PPP2R5E: variants seen among roughly 807,000 people sequenced by gnomAD.
The protein encoded by PPP2R5E is serine/threonine-protein phosphatase 2A 56 kDa regulatory subunit epsilon isoform.
A neutral mutation model predicts 65.3 loss-of-function variants in PPP2R5E; 4 were observed. The ratio of observed to expected loss-of-function variants is 0.06; its 90% CI spans 0.03 to 0.14. The LOEUF is 0.14. PPP2R5E is among the 10% of genes least tolerant of loss of function. PPP2R5E has a pLI of 1.00. For missense variants in PPP2R5E, 274 were observed against 556.1 expected, an observed-to-expected ratio of 0.49 and a Z score of 5.10; for synonymous variants, 183 against 187.4, an observed-to-expected ratio of 0.98 and a Z score of 0.19.
intron 2 of PPP2R5E, among the ~76,000 whole-genome samples, chr14:63,528,225 A>T (rs1893261082): frequency 6.6e-6 from 1 of 152,202 alleles, no homozygotes; most frequent in Non-Finnish European, 1.5e-5. Context: ...AATTACTATT[A>T]TGAGCCAATA....
At chr14:63,391,201 C>T (rs1404009045) in intron 10 of PPP2R5E, among the ~76,000 whole-genome samples, 3 of 152,188 alleles carry the variant, frequency 2.0e-5, no homozygotes, top group East Asian at 1.9e-4. Context: ...CTGGGCTTAG[C>T]GAGGCTGAAG....
intron 2 of PPP2R5E, among the ~76,000 whole-genome samples, chr14:63,493,924 T>G (rs1033048105): frequency 6.6e-6 from 1 of 152,164 alleles, no homozygotes; most frequent in Non-Finnish European, 1.5e-5. Context: ...AATTATAGCT[T>G]TAAATTTTAA....
At chr14:63,396,781 T>A in intron 5 of PPP2R5E, 65 bp from the exon 6 acceptor site, 1 of 1,566,880 alleles carries the variant, frequency 6.4e-7, no homozygotes, top group Non-Finnish European at 8.7e-7. Context: ...AGGAATTCTA[T>A]TATTTAAAAT....
At chr14:63,467,656 A>C (rs923446612) in intron 2 of PPP2R5E, among the ~76,000 whole-genome samples, 22 of 152,240 alleles carry the variant, frequency 1.4e-4, no homozygotes, top group African/African-American at 5.3e-4. Flanking sequence ...TTCTGGAAAA[A>C]CATCACAGAA....
intron 3 of PPP2R5E, among the ~76,000 whole-genome samples, chr14:63,436,307 C>T (rs1026696011): frequency 2.6e-5 from 4 of 152,094 alleles, no homozygotes; most frequent in Non-Finnish European, 5.9e-5. Flanking sequence ...TCTTGAATTG[C>T]GAATTTTTAA....
chr14:63,420,770 AGGCCGGGCGCGGTGGCTC>A (rs1886965992), intron 4 of PPP2R5E, among the ~76,000 whole-genome samples: 1 of 144,580 alleles, frequency 6.9e-6, no homozygotes, highest in Non-Finnish European at 1.5e-5. Context: ...AGTCAACCTG[AGGCCGGGCGCGGTGGCTC>A]ACGCCTGTAA....
At chr14:63,413,123 C>A (rs1239624722) in intron 5 of PPP2R5E, among the ~76,000 whole-genome samples, 50 of 152,260 alleles carry the variant, frequency 3.3e-4, no homozygotes, top group Non-Finnish European at 1.9e-4. Flanking sequence ...AATACATAAC[C>A]CAAAATGTCC....
chr14:63,448,423 A>G lies in PPP2R5E; in HGVS notation c.354+5266T>C, dbSNP rs368583209. ...ATTGCAAGAATTATCAATATGTGAC[A>G]CAAAGATATGAAAGGGGCATATGCT... On this transcript the variant is annotated intron_variant, in intron 3 of 13. Coordinates refer to ENST00000337537, the MANE Select transcript of PPP2R5E (RefSeq NM_006246.5). 1.6e-4 allele frequency among the ~76,000 whole-genome samples: 24 copies of G among 152,370 alleles called. No individual in the cohort carries two copies. The East Asian group carries it at 3.5e-3, about 22-fold the overall frequency.
chr14:63,447,631 G>C (rs1379689714), intron 3 of PPP2R5E, among the ~76,000 whole-genome samples: 2 of 152,332 alleles, frequency 1.3e-5, no homozygotes, highest in South Asian at 2.1e-4. Context: ...ATGTTTACTG[G>C]AGTAGTAGTT....
chr14:63,510,003 A>G (rs1316519940), intron 2 of PPP2R5E, among the ~76,000 whole-genome samples: 2 of 152,238 alleles, frequency 1.3e-5, no homozygotes, highest in East Asian at 3.8e-4. Context: ...CCCTCTTCAA[A>G]AAAACAAACA....
chr14:63,378,717 G>T (rs1162868014), intron 13 of PPP2R5E, among the ~76,000 whole-genome samples: 1 of 152,178 alleles, frequency 6.6e-6, no homozygotes, highest in Non-Finnish European at 1.5e-5. Flanking sequence ...AGGGGATATT[G>T]TCAAATTCTC....
At chr14:63,531,866 T>C (rs1594979053) in intron 2 of PPP2R5E, among the ~76,000 whole-genome samples, 1 of 151,876 alleles carries the variant, frequency 6.6e-6, no homozygotes, top group African/African-American at 2.4e-5. Context: ...GGCAGGAGAA[T>C]TGCTTGAACC....
chr14:63,455,969 G>A (rs7161634), intron 2 of PPP2R5E, among the ~76,000 whole-genome samples: 43,208 of 151,994 alleles, frequency 0.28, 7,385 homozygotes, highest in African/African-American at 0.47. Flanking sequence ...GTTTTGCCAT[G>A]TTGGCCAGGC....
Position 63,384,519 on chromosome 14 carries a change from A to G in PPP2R5E, c.1127T>C (p.Ile376Thr), listed in dbSNP as rs778053464. Residue 376 changes from isoleucine (I) to threonine (T), a missense_variant, in exon 12 of 14, where the codon ATA (isoleucine) becomes ACA (threonine). Physicochemically the swap from Ile to Thr is moderately conservative, Grantham distance 89. This residue lies in a region of PPP2R5E where 129 missense variants were observed against 254.9 expected (regional missense o/e 0.51). Transcript: ENST00000337537. ...YWNNEYIMSL[I>T]EENSNVILPI... ...AAGGATGACGTTAGAGTTTTCTTCTATCAAACTCATGATGTATTCATTATT... is the reference window on the plus strand; with the variant it reads ...AAGGATGACGTTAGAGTTTTCTTCTGTCAAACTCATGATGTATTCATTATT... The G allele has an allele frequency of 6.2e-7, 1 of 1,613,936 alleles. No individual in the cohort carries two copies. Among genetic ancestry groups the G allele is most frequent in the Non-Finnish European group, 8.5e-7 (1 of 1,179,866 alleles).
chr14:63,503,007 T>C (rs1478997017), intron 2 of PPP2R5E, among the ~76,000 whole-genome samples: 2 of 152,178 alleles, frequency 1.3e-5, no homozygotes, highest in Non-Finnish European at 1.5e-5. Flanking sequence ...ATTAATATTA[T>C]GCACTGCACA....
intron 4 of PPP2R5E, among the ~76,000 whole-genome samples, chr14:63,421,050 C>T (rs1254340293): frequency 8.7e-5 from 5 of 57,766 alleles, no homozygotes; most frequent in Middle Eastern, 0.018. Flanking sequence ...GAGACTCCGT[C>T]TCAAAAAAAA....
At chr14:63,437,091 C>T (rs148268735) in intron 3 of PPP2R5E, among the ~76,000 whole-genome samples, 3 of 152,230 alleles carry the variant, frequency 2.0e-5, no homozygotes, top group African/African-American at 7.2e-5. Context: ...TCGTCCTCAC[C>T]GCTACACCAT....
intron 3 of PPP2R5E, among the ~76,000 whole-genome samples, chr14:63,426,080 A>T (rs1887319263): frequency 6.6e-6 from 1 of 152,228 alleles, no homozygotes; most frequent in African/African-American, 2.4e-5. Context: ...GACAATTCAG[A>T]GTTGACTGGA....
chr14:63,402,379 A>G (rs10144281), intron 5 of PPP2R5E, among the ~76,000 whole-genome samples: 12,032 of 152,250 alleles, frequency 0.079, 620 homozygotes, highest in East Asian at 0.25. Context: ...ACAAGTTCTA[A>G]GCAACTTTTC....
Sources: gnomAD v4.1 joint callset for allele counts (sites outside exome capture counted in the v4.1 genomes callset) on GRCh38, gnomAD v4.1.1 for gene constraint, gnomAD v4.1.1 regional missense constraint, MANE v1.5 for transcripts, NCBI Gene and HGNC (gene_info 2026-07-23, HGNC 2026-07-21) for gene names.